The following FPR3 variants were observed in gnomAD, a reference collection of about 807,000 sequenced individuals.
FPR3 encodes the protein formyl peptide receptor 3, also known as N-formyl peptide receptor 3.
For synonymous variants in FPR3, 135 were observed against 163.6 expected, an observed-to-expected ratio of 0.83 and a Z score of 1.34; for missense variants, 346 against 443.2, an observed-to-expected ratio of 0.78 and a Z score of 1.97.
Position 51,824,750 on chromosome 19 carries a change from C to A in FPR3, c.1002C>A (p.Thr334=). ...CTGAGGTCCCTGACTCAGCCCAGAC[C>A]AGCAACACAGACACCACTTCTGCTT... ...ALTEVPDSAQ[T]SNTDTTSASP... is the part of the protein sequence containing the mutation. Residue 334 remains threonine (T), a synonymous_variant, in exon 2 of 2, where the codon ACC becomes ACA. Transcript: ENST00000339223. The surrounding 1 kb of genome is among the most constrained non-coding windows in gnomAD (Gnocchi z 4.7). 6.2e-7 allele frequency: 1 copy of A among 1,613,982 alleles called. No individual in the cohort carries two copies. The highest frequency in any genetic ancestry group is 8.5e-7 in the Non-Finnish European group (1 of 1,179,976).
At chr19:51,806,334 TC>T (rs1568428064) in intron 1 of FPR3, among the ~76,000 whole-genome samples, 1 of 152,222 alleles carries the variant, frequency 6.6e-6, no homozygotes, top group Non-Finnish European at 1.5e-5. Flanking sequence ...CTTCCCCATG[TC>T]AGTAAATCCA....
At position 51,795,283 on chromosome 19, in the gene FPR3, C is replaced by T. The variant is rs1478753533; in HGVS notation, c.-59C>T. On this transcript the variant is annotated 5_prime_UTR_variant, in exon 1 of 2. Coordinates refer to ENST00000339223, the MANE Select transcript of FPR3 (RefSeq NM_002030.5). The stretch of plus-strand genomic sequence containing the variant: ...TTACAAGTACTTAGAGCCTGAGTTG[C>T]TCCACAGGAATCCAGGAACTGGGCA... 6.6e-6 allele frequency: 1 copy of T among 152,058 alleles called. No homozygotes were observed. Among genetic ancestry groups the T allele is most frequent in the Non-Finnish European group, 1.5e-5 (1 of 68,030 alleles). The allele number at this position is 152,058 out of a possible 1,614,324, so 9.4% of individuals were successfully genotyped here.
At chr19:51,816,927 T>A (rs1456214785) in intron 1 of FPR3, among the ~76,000 whole-genome samples, 8 of 152,170 alleles carry the variant, frequency 5.3e-5, no homozygotes, top group Admixed American at 2.0e-4. Context: ...TAATCATACA[T>A]CTTTGTTGTT....
At position 51,797,186 on chromosome 19, in the gene FPR3, T is replaced by TG. The variant is rs572405581; in HGVS notation, c.-11+1860dup. 8.0e-4 allele frequency among the ~76,000 whole-genome samples: 122 copies of TG among 152,246 alleles called. 3 individuals carry two copies. In the South Asian group the frequency reaches 0.025, roughly 31 times the overall value. The stretch of plus-strand genomic sequence containing the variant: ...GAAGGACTCACTGGATTTGGCAGCC[T>TG]GGGGGTCATAAGCATCCTTGGGAAA... On this transcript the variant is annotated intron_variant, in intron 1 of 1. Transcript: ENST00000339223.
rs767479545 is a variant in FPR3, at chr19:51,823,831, T to C, written c.83T>C (p.Phe28Ser). ...EPAGHTVLWI[F>S]SLLVHGVTFV... ...GCTGGCCACACCGTTCTGTGGATCT[T>C]CTCATTGCTAGTCCACGGAGTCACC... Residue 28 changes from phenylalanine (F) to serine (S), a missense_variant, in exon 2 of 2, where the codon TTC becomes TCC. Transcript: ENST00000339223. The C allele has an allele frequency of 1.2e-5, 19 of 1,613,912 alleles. No individual in the cohort carries two copies. Among genetic ancestry groups the C allele is most frequent in the Admixed American group, 6.7e-5 (4 of 59,988 alleles).
At chr19:51,819,776 T>C (rs988761923) in intron 1 of FPR3, among the ~76,000 whole-genome samples, 4 of 152,104 alleles carry the variant, frequency 2.6e-5, no homozygotes, top group African/African-American at 7.2e-5. Context: ...CTTAAAGAAA[T>C]AGGGTTGAAG....
chr19:51,822,876 T>G (rs373800357), intron 1 of FPR3, among the ~76,000 whole-genome samples: 79 of 152,034 alleles, frequency 5.2e-4, no homozygotes, highest in African/African-American at 1.5e-3. Flanking sequence ...TTTTTTTTTG[T>G]GGGGGGAAAT....
chr19:51,803,859 T>C (rs1463371868), intron 1 of FPR3: 1 of 152,230 alleles, frequency 6.6e-6, no homozygotes, highest in African/African-American at 2.4e-5. Context: ...CTTTTTTCTT[T>C]TCCTCATTAG....
chr19:51,814,958 T>C (rs542818773), intron 1 of FPR3, among the ~76,000 whole-genome samples: 37 of 151,976 alleles, frequency 2.4e-4, no homozygotes, highest in Non-Finnish European at 5.3e-4. Flanking sequence ...TACAGCCGCC[T>C]GCCACCACGT....
At chr19:51,800,387 A>G (rs1204676723) in intron 1 of FPR3, among the ~76,000 whole-genome samples, 1 of 152,242 alleles carries the variant, frequency 6.6e-6, no homozygotes, top group Non-Finnish European at 1.5e-5. Flanking sequence ...AAATGCAGGC[A>G]TTTATGTCCA....
intron 1 of FPR3, chr19:51,805,202 A>G (rs76823068): frequency 2.6e-5 from 4 of 152,334 alleles, no homozygotes; most frequent in South Asian, 4.1e-4. Flanking sequence ...AGAATGTAAG[A>G]CCAGGCTGGG....
At chr19:51,805,952 C>T (rs967037113) in intron 1 of FPR3, among the ~76,000 whole-genome samples, 3 of 152,018 alleles carry the variant, frequency 2.0e-5, no homozygotes, top group Admixed American at 6.5e-5. Flanking sequence ...TCATCAAAGT[C>T]GAGATATTAT....
At chr19:51,818,489 G>C (rs1021658548) in intron 1 of FPR3, among the ~76,000 whole-genome samples, 4 of 152,204 alleles carry the variant, frequency 2.6e-5, no homozygotes, top group Admixed American at 2.6e-4. Context: ...AAGTATTTAT[G>C]ATAGAAAATA....
chr19:51,802,827 C>G (rs548044635), intron 1 of FPR3, among the ~76,000 whole-genome samples: 96 of 152,258 alleles, frequency 6.3e-4, no homozygotes, highest in African/African-American at 2.3e-3. Flanking sequence ...AATGTAATAT[C>G]TGCCAATATT....
At chr19:51,799,334 G>A (rs915177023) in intron 1 of FPR3, among the ~76,000 whole-genome samples, 8 of 152,182 alleles carry the variant, frequency 5.3e-5, no homozygotes, top group Admixed American at 2.6e-4. Flanking sequence ...GAGGCTGCCC[G>A]AAAGCGACCT....
At chr19:51,806,293 T>A (rs1439890002) in intron 1 of FPR3, among the ~76,000 whole-genome samples, 2 of 152,160 alleles carry the variant, frequency 1.3e-5, no homozygotes, top group Non-Finnish European at 2.9e-5. Context: ...ACATGGCTTG[T>A]CAATCTCCTG....
intron 1 of FPR3, among the ~76,000 whole-genome samples, chr19:51,817,389 A>AAG (rs910161184): frequency 1.8e-4 from 27 of 150,954 alleles, no homozygotes; most frequent in South Asian, 1.0e-3. Flanking sequence ...AGAAATCATA[A>AAG]AGAGAGAGAG....
chr19:51,813,161 C>CACACACA (rs71304202), intron 1 of FPR3, among the ~76,000 whole-genome samples: 2 of 149,424 alleles, frequency 1.3e-5, no homozygotes, highest in Non-Finnish European at 3.0e-5. Flanking sequence ...CACACACACA[C>CACACACA]CCCATAAATT....
At chr19:51,814,543 A>C (rs1441419997) in intron 1 of FPR3, among the ~76,000 whole-genome samples, 2 of 152,020 alleles carry the variant, frequency 1.3e-5, no homozygotes, top group Non-Finnish European at 2.9e-5. Context: ...ACCCAGGATG[A>C]AGTGCAGTGG....
Sources: allele counts gnomAD v4.1 joint callset (sites outside exome capture counted in the v4.1 genomes callset), GRCh38; gene constraint gnomAD v4.1.1; non-coding constraint Gnocchi (gnomAD v3.1); transcripts MANE v1.5; gene names NCBI Gene and HGNC (gene_info 2026-07-23, HGNC 2026-07-21).